The following SYNJ2 variants were observed in gnomAD, a reference collection of about 807,000 sequenced individuals.
SYNJ2 encodes the protein synaptojanin 2.
A neutral mutation model predicts 141.3 loss-of-function variants in SYNJ2; 116 were observed. The observed-to-expected ratio is 0.82, with a 90% CI of 0.71 to 0.96. The LOEUF is 0.96. Among genes scored for constraint, SYNJ2 ranks in the 40% least tolerant of loss-of-function variants. The probability of loss-of-function intolerance (pLI) is 0.00; values close to 1 mark genes in which losing one functional copy is unlikely to be tolerated. For missense variants in SYNJ2, 1,873 were observed against 1,934.8 expected (o/e 0.97, Z 0.60); for synonymous variants, 745 against 777.7 (o/e 0.96, Z 0.70).
In SYNJ2 at chr6:157,997,936, G is replaced by C. The variant is rs375008357; in HGVS notation, c.127+15848G>C. The stretch of plus-strand genomic sequence containing the variant: ...GCAGTGTTACTTTGTTTCTTATAAA[G>C]GTGATGACTTCAGTCGGTCAGAGAA... On this transcript the variant is annotated intron_variant, in intron 1 of 26. Transcript: ENST00000355585. Among the ~76,000 whole-genome samples the C allele has an allele frequency of 1.6e-4, 24 of 152,334 alleles. 1 individual carries two copies. The highest frequency in any genetic ancestry group is 5.8e-4 in the East Asian group (3 of 5,192).
At chr6:158,000,293 G>A (rs1359877929) in intron 1 of SYNJ2, among the ~76,000 whole-genome samples, 1 of 152,068 alleles carries the variant, frequency 6.6e-6, no homozygotes, top group Non-Finnish European at 1.5e-5. Flanking sequence ...GTATGGAGAA[G>A]GCCGGAGAGT....
chr6:158,093,191 AT>A, intron 26 of SYNJ2, 87 bp downstream of exon 26: 1 of 1,421,568 alleles, frequency 7.0e-7, no homozygotes, highest in South Asian at 1.3e-5. Context: ...ATCCCAGCAC[AT>A]TGGGAAGCCG....
chr6:158,021,872 G>C (rs1026044523), intron 2 of SYNJ2, among the ~76,000 whole-genome samples: 1 of 152,210 alleles, frequency 6.6e-6, no homozygotes, highest in Admixed American at 6.5e-5. Context: ...GCTCCCTGAG[G>C]GGGAAGCTCT....
At position 158,099,140 on chromosome 6, in the gene SYNJ2, A is replaced by G. The variant is rs1783929889; in HGVS notation, c.*2776A>G. 1 of 152,224 alleles carries G rather than the reference A, an allele frequency of 6.6e-6. No individual in the cohort carries two copies. The highest frequency in any genetic ancestry group is 6.5e-5 in the Admixed American group (1 of 15,280). 9.4% of individuals were successfully genotyped at this position (152,224 alleles called of 1,614,324 possible). A position where few individuals can be genotyped will look rare whatever the true frequency, so the allele number is the denominator to read the frequency against. On this transcript the variant is annotated 3_prime_UTR_variant, in exon 27 of 27. Transcript: ENST00000355585. ...AAGTGAAAATTTGTACTGAAATTGT[A>G]CATGATACCTATTAAATGTTTTTGT... is the stretch of plus-strand genomic sequence containing the variant.
At chr6:158,062,572 T>C (rs1781290281) in intron 8 of SYNJ2, among the ~76,000 whole-genome samples, 1 of 151,974 alleles carries the variant, frequency 6.6e-6, no homozygotes, top group Admixed American at 6.6e-5. Context: ...TGGCATAGAC[T>C]TAGATTGCTA....
chr6:158,070,925 G>A lies in SYNJ2; in HGVS notation c.1941-677G>A, dbSNP rs1310626374. On this transcript the variant is annotated intron_variant, in intron 14 of 26. Transcript: ENST00000355585. The surrounding 1 kb of genome is among the most constrained non-coding windows in gnomAD (Gnocchi z 4.0). ...TTGCTGGGCACGGTGTCTCACGCCT[G>A]TAATCCCAGCACTTTGGGAGGCCAA... Among the ~76,000 whole-genome samples, 11 of 152,222 alleles carry A rather than the reference G, an allele frequency of 7.2e-5. 1 individual carries two copies. The highest frequency in any genetic ancestry group is 2.2e-4 in the African/African-American group (9 of 41,446).
Position 158,043,883 on chromosome 6 carries a change from C to A in SYNJ2, c.795+484C>A, listed in dbSNP as rs1483101811. Among the ~76,000 whole-genome samples, 1 of 152,164 alleles carries A rather than the reference C, an allele frequency of 6.6e-6. No homozygotes were observed. The highest frequency in any genetic ancestry group is 1.5e-5 in the Non-Finnish European group (1 of 68,024). ...GCTTTCCCGTGATTTCTAAAAATACCCCTTGCCGTCCAAAGCAGGGCTCTG... is the reference window on the plus strand; with the variant it reads ...GCTTTCCCGTGATTTCTAAAAATACACCTTGCCGTCCAAAGCAGGGCTCTG... On this transcript the variant is annotated intron_variant, in intron 5 of 26. Coordinates refer to ENST00000355585, the MANE Select transcript of SYNJ2 (RefSeq NM_003898.4). The surrounding 1 kb of genome is among the most constrained non-coding windows in gnomAD (Gnocchi z 4.0).
In SYNJ2 at chr6:158,043,388, CCAGGGCTT is replaced by C; in HGVS notation, c.789_795+1del. 1 of 1,613,872 alleles carries C rather than the reference CCAGGGCTT, an allele frequency of 6.2e-7. No homozygotes were observed. The highest frequency in any genetic ancestry group is 8.5e-7 in the Non-Finnish European group (1 of 1,179,750). On this transcript the variant is annotated frameshift_variant, in exon 5 of 27. Coordinates refer to ENST00000355585, the MANE Select transcript of SYNJ2 (RefSeq NM_003898.4). LOFTEE classifies it high-confidence loss of function. The surrounding 1 kb of genome is among the most constrained non-coding windows in gnomAD (Gnocchi z 4.0). ...CTCCGTTCCGCTGTTCTGGGAACAG[CCAGGGCTT>C]CAGGTAGGTCATGAAAAAACTTAAA...
At chr6:158,003,598 A>T (rs557546588) in intron 1 of SYNJ2, among the ~76,000 whole-genome samples, 1 of 152,196 alleles carries the variant, frequency 6.6e-6, no homozygotes, top group African/African-American at 2.4e-5. Context: ...TTGTTAAATG[A>T]CCTCATTATT....
rs1053035229 is a variant in SYNJ2 at position 158,076,760 on chromosome 6, G to A, written c.2427G>A (p.Lys809=). 16 of 1,612,774 alleles carry A rather than the reference G, an allele frequency of 9.9e-6. No homozygotes were observed. The Middle Eastern group carries it at 6.6e-4, about 66-fold the overall frequency. Residue 809 remains lysine, a synonymous_variant, in exon 17 of 27, where the codon AAG becomes AAA. Coordinates refer to ENST00000355585, the MANE Select transcript of SYNJ2 (RefSeq NM_003898.4). ...AWTDRVLWWR[K]KHPFDKTAGE... The stretch of plus-strand genomic sequence containing the variant: ...CAGACAGGGTGCTGTGGTGGAGGAA[G>A]AAACATCCCTTTGATAAAACAGGTG...
chr6:158,029,137 G>A (rs1779224609), intron 3 of SYNJ2, 111 bp downstream of exon 3: 2 of 1,418,254 alleles, frequency 1.4e-6, no homozygotes, highest in Admixed American at 2.2e-5. Flanking sequence ...CGGGTTATGG[G>A]GCACCTCTGG....
intron 1 of SYNJ2, among the ~76,000 whole-genome samples, chr6:158,010,847 A>T: frequency 7.0e-6 from 1 of 142,446 alleles, no homozygotes; most frequent in East Asian, 2.1e-4. Context: ...CCACGTGACA[A>T]CAGGGGGATG....
intron 1 of SYNJ2, among the ~76,000 whole-genome samples, chr6:157,989,540 G>A (rs970659825): frequency 1.3e-5 from 2 of 149,640 alleles, no homozygotes; most frequent in African/African-American, 4.9e-5. Context: ...TTTGATCGAG[G>A]AGGTTCCCAC....
rs567653446 is a variant in SYNJ2 at position 158,061,087 on chromosome 6, T to G, written c.955-905T>G. Among the ~76,000 whole-genome samples the G allele has an allele frequency of 3.3e-5, 5 of 152,374 alleles. No homozygotes were observed. In the South Asian group the frequency reaches 1.0e-3, roughly 32 times the overall value. ...GCTTCTTGCTCACAGCAAGACTTGC[T>G]TGATGATGGCAGCACTGCATTGATT... On this transcript the variant is annotated intron_variant, in intron 7 of 26. Transcript: ENST00000355585.
At position 158,095,699 on chromosome 6, in the gene SYNJ2, C is replaced by G; in HGVS notation, c.3826C>G (p.Pro1276Ala). The change falls in exon 27 of 27, where the codon CCT becomes GCT. Residue 1276 changes from proline to alanine, a missense_variant. Coordinates refer to ENST00000355585, the MANE Select transcript of SYNJ2 (RefSeq NM_003898.4). ...CCCGGAGACAAGCGTTGAGGCCCCTCCTGTCGTGACAGCCCCTCGAGTCCC... is the reference window on the plus strand; with the variant it reads ...CCCGGAGACAAGCGTTGAGGCCCCTGCTGTCGTGACAGCCCCTCGAGTCCC... ...GPPETSVEAP[P>A]VVTAPRVPPV... 1 of 1,614,198 alleles carries G rather than the reference C, an allele frequency of 6.2e-7. No homozygotes were observed. The highest frequency in any genetic ancestry group is 8.5e-7 in the Non-Finnish European group (1 of 1,180,038).
chr6:158,082,487 CAAAAA>C (rs769884420), intron 20 of SYNJ2, among the ~76,000 whole-genome samples: 5 of 75,312 alleles, frequency 6.6e-5, no homozygotes, highest in Non-Finnish European at 9.5e-5. Context: ...ACTCTGTCTC[CAAAAA>C]AAAAAAAAAA....
At chr6:158,003,270 C>T (rs532329224) in intron 1 of SYNJ2, among the ~76,000 whole-genome samples, 7 of 152,300 alleles carry the variant, frequency 4.6e-5, no homozygotes, top group African/African-American at 1.7e-4. Context: ...AGTCCTTTAG[C>T]GGGCTGATGT....
intron 18 of SYNJ2, among the ~76,000 whole-genome samples, chr6:158,080,410 G>C (rs940104953): frequency 2.0e-5 from 3 of 151,578 alleles, no homozygotes; most frequent in African/African-American, 7.3e-5. Flanking sequence ...GGGAGGCGGA[G>C]GTTGCAGTGG....
intron 1 of SYNJ2, among the ~76,000 whole-genome samples, chr6:157,992,095 A>G (rs1025382722): frequency 3.9e-5 from 6 of 152,236 alleles, no homozygotes; most frequent in African/African-American, 1.4e-4. Flanking sequence ...TGGGGCATCC[A>G]TCCCCTCACA....
Sources: gnomAD v4.1 joint callset for allele counts (sites outside exome capture counted in the v4.1 genomes callset) on GRCh38, gnomAD v4.1.1 for gene constraint, Gnocchi (gnomAD v3.1) non-coding constraint, MANE v1.5 for transcripts, NCBI Gene and HGNC (gene_info 2026-07-23, HGNC 2026-07-21) for gene names.